NPAS3: variants seen among roughly 807,000 people sequenced by gnomAD.
The protein encoded by NPAS3 is neuronal PAS domain-containing protein 3.
A neutral mutation model predicts 73.1 loss-of-function variants in NPAS3; 14 were observed. The ratio of observed to expected loss-of-function variants is 0.19; its 90% CI spans 0.13 to 0.30. The LOEUF (loss-of-function observed/expected upper bound fraction) is 0.30, where lower values mean the gene tolerates loss of function less well. Among genes scored for constraint, NPAS3 ranks in the 10% least tolerant of loss-of-function variants. The probability of loss-of-function intolerance (pLI) is 1.00; values close to 1 mark genes in which losing one functional copy is unlikely to be tolerated. For missense variants in NPAS3, 1,096 were observed against 1,250.0 expected, an observed-to-expected ratio of 0.88 and a Z score of 1.86; for synonymous variants, 620 against 541.5, an observed-to-expected ratio of 1.14 and a Z score of -2.01.
At chr14:33,164,121 T>G (rs932686031) in intron 2 of NPAS3, among the ~76,000 whole-genome samples, 1 of 152,248 alleles carries the variant, frequency 6.6e-6, no homozygotes, top group Non-Finnish European at 1.5e-5. Context: ...ATTCAGTACT[T>G]GTGAAAATTC....
chr14:33,200,865 C>G (rs1331774394), intron 2 of NPAS3, among the ~76,000 whole-genome samples: 1 of 152,180 alleles, frequency 6.6e-6, no homozygotes, highest in African/African-American at 2.4e-5. Flanking sequence ...CCAGTTTCCA[C>G]TAATCATCAT....
intron 2 of NPAS3, among the ~76,000 whole-genome samples, chr14:33,140,836 A>T (rs1004296994): frequency 2.0e-5 from 3 of 152,338 alleles, no homozygotes; most frequent in Middle Eastern, 6.8e-3. Flanking sequence ...AGCTATCAGG[A>T]CTGGCTGCAT....
chr14:33,550,581 G>A (rs1161033302), intron 4 of NPAS3, among the ~76,000 whole-genome samples: 1 of 152,240 alleles, frequency 6.6e-6, no homozygotes, highest in Non-Finnish European at 1.5e-5. Flanking sequence ...TAAGAGCTCT[G>A]TGGACAGGCA....
At chr14:33,287,658 G>A (rs960103983) in intron 3 of NPAS3, among the ~76,000 whole-genome samples, 3 of 152,052 alleles carry the variant, frequency 2.0e-5, no homozygotes, top group East Asian at 1.9e-4. Context: ...TCTACATCAC[G>A]CTTTAAGTCC....
intron 5 of NPAS3, among the ~76,000 whole-genome samples, chr14:33,597,689 A>T (rs1371160597): frequency 6.6e-6 from 1 of 152,226 alleles, no homozygotes; most frequent in Non-Finnish European, 1.5e-5. Context: ...GTGTCTAGGC[A>T]CAGGGTGGAA....
chr14:33,066,881 G>C lies in NPAS3; in HGVS notation c.140+10887G>C, dbSNP rs1467850410. 2.0e-5 allele frequency among the ~76,000 whole-genome samples: 3 copies of C among 152,188 alleles called. No homozygotes were observed. In the South Asian group the frequency reaches 6.2e-4, roughly 31 times the overall value. ...TTCTATGTGCAATAATGCATAGACT[G>C]CATAGGCTGCAGTAATTGATACGGC... is the stretch of plus-strand genomic sequence containing the variant. On this transcript the variant is annotated intron_variant, in intron 2 of 11. Coordinates refer to ENST00000356141, the Ensembl canonical transcript of NPAS3.
In NPAS3 at chr14:33,029,819, AG is replaced by A. The variant is rs145800902; in HGVS notation, c.51-26085del. ...AACTGAGTGCTGCCCATTAAGAAAA[AG>A]CATCCCAGATGATTAATTATGTTGA... is the stretch of plus-strand genomic sequence containing the variant. On this transcript the variant is annotated intron_variant, in intron 1 of 11. Coordinates refer to ENST00000356141, the Ensembl canonical transcript of NPAS3. Among the ~76,000 whole-genome samples, 1,002 of 152,366 alleles carry A rather than the reference AG, an allele frequency of 6.6e-3. 8 individuals are homozygous for A. The highest frequency in any genetic ancestry group is 0.021 in the African/African-American group (894 of 41,584).
intron 2 of NPAS3, among the ~76,000 whole-genome samples, chr14:33,202,995 C>T (rs550825619): frequency 1.3e-5 from 2 of 152,258 alleles, no homozygotes; most frequent in East Asian, 3.9e-4. Context: ...GGTGTCTGTT[C>T]CCATTATGTG....
At chr14:33,375,708 A>G (rs2046284873) in intron 4 of NPAS3, among the ~76,000 whole-genome samples, 1 of 152,332 alleles carries the variant, frequency 6.6e-6, no homozygotes, top group Admixed American at 6.5e-5. Flanking sequence ...ATAAGATATC[A>G]GCATTGGCAT....
At chr14:33,069,239 T>A (rs936296257) in intron 2 of NPAS3, among the ~76,000 whole-genome samples, 6 of 152,216 alleles carry the variant, frequency 3.9e-5, no homozygotes, top group African/African-American at 1.4e-4. Context: ...GTGGTGGCAC[T>A]CAATCACATG....
At chr14:33,641,532 G>T (rs1384888997) in intron 5 of NPAS3, among the ~76,000 whole-genome samples, 1 of 152,126 alleles carries the variant, frequency 6.6e-6, no homozygotes, top group Non-Finnish European at 1.5e-5. Context: ...GGGGCTAGGG[G>T]GTGATTCTTT....
At chr14:33,397,863 C>T (rs1299169995) in intron 4 of NPAS3, among the ~76,000 whole-genome samples, 1 of 151,820 alleles carries the variant, frequency 6.6e-6, no homozygotes, top group East Asian at 1.9e-4. Context: ...GCTTTTGATG[C>T]CAGCTCTAAG....
intron 2 of NPAS3, among the ~76,000 whole-genome samples, chr14:33,173,684 G>A (rs906564576): frequency 1.3e-5 from 2 of 152,132 alleles, no homozygotes; most frequent in African/African-American, 4.8e-5. Context: ...GGAAAGCATT[G>A]ACTTTTTATA....
chr14:33,248,353 A>C (rs1834030886), intron 3 of NPAS3, among the ~76,000 whole-genome samples: 1 of 152,216 alleles, frequency 6.6e-6, no homozygotes, highest in Non-Finnish European at 1.5e-5. Flanking sequence ...TTCATGATTC[A>C]TAATTTTGGA....
At position 33,235,160 on chromosome 14, in the gene NPAS3, T is replaced by C. The variant is rs184848276; in HGVS notation, c.385+19734T>C. On this transcript the variant is annotated intron_variant, in intron 3 of 11. Transcript: ENST00000356141. ...CAATTGTATTTGATGAACGAATTCC[T>C]CTACCGCCCCACACTCCTCCTGCCA... Among the ~76,000 whole-genome samples, 701 of 152,250 alleles carry C rather than the reference T, an allele frequency of 4.6e-3. 2 individuals carry two copies. The highest frequency in any genetic ancestry group is 0.016 in the African/African-American group (667 of 41,564).
intron 6 of NPAS3, among the ~76,000 whole-genome samples, chr14:33,708,586 G>A (rs1231201620): frequency 6.6e-6 from 1 of 152,106 alleles, no homozygotes; most frequent in African/African-American, 2.4e-5. Flanking sequence ...TTTATTCAGA[G>A]TCTTAACGAC....
At chr14:33,021,223 G>T (rs113117731) in intron 1 of NPAS3, among the ~76,000 whole-genome samples, 1,982 of 152,256 alleles carry the variant, frequency 0.013, 16 homozygotes, top group Middle Eastern at 0.02. Context: ...ATCATCATCA[G>T]CAGCAGCAGC....
At chr14:33,019,899 T>G (rs2039531983) in intron 1 of NPAS3, among the ~76,000 whole-genome samples, 1 of 152,242 alleles carries the variant, frequency 6.6e-6, no homozygotes. Context: ...TGAAATTAAC[T>G]TTTTGATTTT....
chr14:33,599,258 C>T lies in NPAS3; in HGVS notation c.558+39048C>T, dbSNP rs2057332286. On this transcript the variant is annotated intron_variant, in intron 5 of 11. Transcript: ENST00000356141. Reference sequence around the variant, plus strand: ...TGAATTGTTTTCTCCTGTTTTGAAACATTTTAATTTATAATCAGACAAGAA... The same window carrying T: ...TGAATTGTTTTCTCCTGTTTTGAAATATTTTAATTTATAATCAGACAAGAA... Among the ~76,000 whole-genome samples, 4 of 152,138 alleles carry T rather than the reference C, an allele frequency of 2.6e-5. No individual in the cohort carries two copies. The South Asian group carries it at 8.3e-4, about 32-fold the overall frequency.
Sources: gnomAD v4.1 joint callset for allele counts (sites outside exome capture counted in the v4.1 genomes callset) on GRCh38, gnomAD v4.1.1 for gene constraint, MANE v1.5 for transcripts, NCBI Gene and HGNC (gene_info 2026-07-23, HGNC 2026-07-21) for gene names.